CCDC181: variants seen among roughly 807,000 people sequenced by gnomAD.
CCDC181 encodes the protein coiled-coil domain-containing protein 181.
CCDC181 carries 35 observed loss-of-function variants against 58.7 expected under a neutral mutation model. The ratio of observed to expected loss-of-function variants is 0.60; its 90% confidence interval spans 0.46 to 0.79. The LOEUF (loss-of-function observed/expected upper bound fraction) is 0.79, where lower values mean the gene tolerates loss of function less well. Among genes scored for constraint, CCDC181 ranks in the 30% least tolerant of loss-of-function variants. The pLI is 0.00. For missense variants in CCDC181, 517 were observed against 583.9 expected (o/e 0.89, Z 1.18); for synonymous variants, 183 against 197.5 (o/e 0.93, Z 0.62).
chr1:169,408,518 G>T (rs534749220), intron 4 of CCDC181, among the ~76,000 whole-genome samples: 4 of 152,204 alleles, frequency 2.6e-5, no homozygotes, highest in Non-Finnish European at 4.4e-5. Flanking sequence ...GAGAGCAGCG[G>T]ATTTCCCAGC....
intron 2 of CCDC181, among the ~76,000 whole-genome samples, chr1:169,423,374 G>A (rs1656572590): frequency 6.6e-6 from 1 of 151,750 alleles, no homozygotes; most frequent in Non-Finnish European, 1.5e-5. Context: ...ATATCATGAG[G>A]ATGGCAGATC....
intron 4 of CCDC181, among the ~76,000 whole-genome samples, chr1:169,406,538 A>G (rs933553828): frequency 2.0e-5 from 3 of 152,226 alleles, no homozygotes; most frequent in African/African-American, 4.8e-5. Context: ...TGAGCAAACT[A>G]TCACAAGGAC....
At chr1:169,410,010 G>A (rs1256881382) in intron 4 of CCDC181, among the ~76,000 whole-genome samples, 2 of 152,100 alleles carry the variant, frequency 1.3e-5, no homozygotes, top group African/African-American at 4.8e-5. Flanking sequence ...GCATCATAAT[G>A]ACAGGATCAA....
upstream of CCDC181, among the ~76,000 whole-genome samples, chr1:169,429,178 TACC>T (rs1656832891): frequency 2.0e-5 from 3 of 152,238 alleles, no homozygotes; most frequent in Admixed American, 1.3e-4. Context: ...TATGTATATG[TACC>T]ACATTTTCTT....
At position 169,420,246 on chromosome 1, in the gene CCDC181, T is replaced by G. The variant is rs569471180; in HGVS notation, c.1069-1087A>C. ...TTGTATTGTCACCAAATTCCTATAC[T>G]TTCAAGTGTTTTTATACCTGAATCA... On this transcript the variant is annotated intron_variant, in intron 3 of 5. Coordinates refer to ENST00000367806, the MANE Select transcript of CCDC181 (RefSeq NM_001300969.2). Among the ~76,000 whole-genome samples the G allele has an allele frequency of 4.5e-4, 68 of 152,342 alleles. No individual in the cohort carries two copies. In the South Asian group the frequency reaches 0.013, roughly 30 times the overall value.
At chr1:169,428,268 T>TC (rs1656798886), upstream of CCDC181, among the ~76,000 whole-genome samples, 1 of 152,194 alleles carries the variant, frequency 6.6e-6, no homozygotes, top group Non-Finnish European at 1.5e-5. Flanking sequence ...GTGGTGTAGT[T>TC]GTAATGACCT....
At chr1:169,419,956 C>G (rs4656677) in intron 3 of CCDC181, among the ~76,000 whole-genome samples, 40,359 of 152,078 alleles carry the variant, frequency 0.27, 6,725 homozygotes, top group Non-Finnish European at 0.38. Flanking sequence ...AGCCTTAGTA[C>G]TTGAAGACCA....
In CCDC181 at chr1:169,415,107, T is replaced by C. The variant is rs184371093; in HGVS notation, c.1215+3906A>G. ...AATACAATCCAAGATTACTATTTAC[T>C]ATGTACAAATACAGCACAATTATGT... On this transcript the variant is annotated intron_variant, in intron 4 of 5. Transcript: ENST00000367806. Among the ~76,000 whole-genome samples, 292 of 152,350 alleles carry C rather than the reference T, an allele frequency of 1.9e-3. 2 individuals carry two copies. The highest frequency in any genetic ancestry group is 6.9e-3 in the African/African-American group (286 of 41,584).
intron 2 of CCDC181, among the ~76,000 whole-genome samples, chr1:169,447,928 T>C (rs1340254887): frequency 1.3e-5 from 2 of 152,222 alleles, no homozygotes; most frequent in East Asian, 3.8e-4. Context: ...TTTTTTCATA[T>C]CTTTTTCTGC....
intron 4 of CCDC181, among the ~76,000 whole-genome samples, chr1:169,414,208 C>T (rs1027424732): frequency 1.2e-4 from 18 of 152,078 alleles, no homozygotes; most frequent in African/African-American, 4.3e-4. Context: ...CTACATTAAC[C>T]TCAGCCAAAA....
chr1:169,410,157 C>T (rs866643839), intron 4 of CCDC181, among the ~76,000 whole-genome samples: 4 of 141,642 alleles, frequency 2.8e-5, no homozygotes, highest in African/African-American at 5.3e-5. Context: ...TGCAGAGACA[C>T]ACATAGGCTC....
intron 4 of CCDC181, among the ~76,000 whole-genome samples, chr1:169,410,842 A>G (rs537533317): frequency 6.6e-6 from 1 of 152,354 alleles, no homozygotes; most frequent in African/African-American, 2.4e-5. Flanking sequence ...TTTGAAACCA[A>G]TGAGAACAAA....
At chr1:169,405,729 T>C (rs866725510) in intron 4 of CCDC181, among the ~76,000 whole-genome samples, 1 of 152,168 alleles carries the variant, frequency 6.6e-6, no homozygotes, top group South Asian at 2.1e-4. Flanking sequence ...GGAAATACCA[T>C]TCAGGCCACA....
At chr1:169,451,954 T>A (rs938988155) in intron 2 of CCDC181, among the ~76,000 whole-genome samples, 1 of 152,016 alleles carries the variant, frequency 6.6e-6, no homozygotes, top group African/African-American at 2.4e-5. Flanking sequence ...AATTAAGCAA[T>A]CAAGTAAATA....
chr1:169,424,750 C>A, intron 2 of CCDC181, 61 bp downstream of exon 2: 1 of 948,988 alleles, frequency 1.1e-6, no homozygotes, highest in Non-Finnish European at 1.6e-6. Flanking sequence ...ATGTGAAAAC[C>A]TTAAAGAATT....
At chr1:169,412,315 A>T (rs1347199990) in intron 4 of CCDC181, among the ~76,000 whole-genome samples, 1 of 152,202 alleles carries the variant, frequency 6.6e-6, no homozygotes. Context: ...TACAACTTAC[A>T]AGGGATGTGA....
At chr1:169,453,467 T>C (rs1214558796) in intron 2 of CCDC181, among the ~76,000 whole-genome samples, 4 of 152,062 alleles carry the variant, frequency 2.6e-5, no homozygotes, top group Non-Finnish European at 4.4e-5. Context: ...TATACAAATA[T>C]ATGGTCATTC....
intron 4 of CCDC181, among the ~76,000 whole-genome samples, chr1:169,400,423 G>C (rs928676339): frequency 2.0e-5 from 3 of 151,948 alleles, no homozygotes; most frequent in Non-Finnish European, 4.4e-5. Flanking sequence ...ATATTGAAAA[G>C]ATCCACAGTC....
Position 169,422,201 on chromosome 1 carries a change from G to A in CCDC181, c.230C>T (p.Ser77Leu). The change falls in exon 3 of 6, where the codon TCA becomes TTA. Residue 77 changes from serine (S) to leucine (L), a missense_variant. Ser to Leu is a moderately radical substitution (Grantham distance 145). Coordinates refer to ENST00000367806, the MANE Select transcript of CCDC181 (RefSeq NM_001300969.2). ...DPDKSLQDEV[S>L]PRRNDIISVP... ...AGAAATGATGTCATTTCTTCTTGGT[G>A]AGACCTCATCCTGCAAAGATTTGTC... 6.2e-7 allele frequency: 1 copy of A among 1,613,738 alleles called. No individual in the cohort carries two copies. Among genetic ancestry groups the A allele is most frequent in the Non-Finnish European group, 8.5e-7 (1 of 1,179,834 alleles).
Sources: allele counts gnomAD v4.1 joint callset (sites outside exome capture counted in the v4.1 genomes callset), GRCh38; gene constraint gnomAD v4.1.1; transcripts MANE v1.5; gene names NCBI Gene and HGNC (gene_info 2026-07-23, HGNC 2026-07-21).